NEGR1: variants seen among roughly 807,000 people sequenced by gnomAD.
NEGR1 encodes IgLON family member 4.
NEGR1 carries 10 observed loss-of-function variants against 40.9 expected under a neutral mutation model. The observed-to-expected ratio is 0.24, with a 90% CI of 0.15 to 0.42. The LOEUF is 0.42. NEGR1 is among the 10% of genes least tolerant of loss of function. The probability of loss-of-function intolerance (pLI) is 1.00; values close to 1 mark genes in which losing one functional copy is unlikely to be tolerated. For synonymous variants in NEGR1, 185 were observed against 166.8 expected, an observed-to-expected ratio of 1.11 and a Z score of -0.84; for missense variants, 352 against 438.9, an observed-to-expected ratio of 0.80 and a Z score of 1.77.
At chr1:72,253,275 G>T (rs1655165339) in intron 1 of NEGR1, among the ~76,000 whole-genome samples, 1 of 152,102 alleles carries the variant, frequency 6.6e-6, no homozygotes, top group Non-Finnish European at 1.5e-5. Context: ...AATAGTTGAA[G>T]AATTGAAAAG....
intron 1 of NEGR1, among the ~76,000 whole-genome samples, chr1:72,197,195 A>G (rs577472170): frequency 4.6e-5 from 7 of 152,140 alleles, no homozygotes; most frequent in African/African-American, 1.7e-4. Flanking sequence ...ATACAAATAA[A>G]TAAGTCCTAA....
intron 4 of NEGR1, among the ~76,000 whole-genome samples, chr1:71,644,825 T>TACTAG: frequency 6.6e-6 from 1 of 152,078 alleles, no homozygotes; most frequent in South Asian, 2.1e-4. Context: ...TTATTTCCAG[T>TACTAG]ACTAGAGAGA....
intron 2 of NEGR1, among the ~76,000 whole-genome samples, chr1:71,908,662 T>G (rs1056444170): frequency 5.9e-5 from 9 of 152,216 alleles, no homozygotes. Context: ...AGTCATTAAC[T>G]TCTGGTGGAT....
At chr1:72,085,863 G>A (rs539334682) in intron 1 of NEGR1, among the ~76,000 whole-genome samples, 4 of 151,378 alleles carry the variant, frequency 2.6e-5, no homozygotes, top group East Asian at 2.0e-4. Context: ...CCAGCTACTC[G>A]GGAGGCTGAG....
chr1:71,638,323 T>G (rs183689640), intron 4 of NEGR1, among the ~76,000 whole-genome samples: 46 of 152,190 alleles, frequency 3.0e-4, no homozygotes, highest in Admixed American at 2.2e-3. Context: ...AGTTTTGGAA[T>G]GTATTTAAAT....
intron 1 of NEGR1, among the ~76,000 whole-genome samples, chr1:72,139,395 T>A (rs534819881): frequency 5.9e-5 from 9 of 152,120 alleles, no homozygotes; most frequent in African/African-American, 2.2e-4. Flanking sequence ...GTTAAACTTT[T>A]AATCATACTG....
intron 6 of NEGR1, among the ~76,000 whole-genome samples, chr1:71,482,961 A>C (rs1187797325): frequency 6.6e-6 from 1 of 151,834 alleles, no homozygotes; most frequent in Non-Finnish European, 1.5e-5. Context: ...GAGATAAAGA[A>C]ATGAATTAAT....
chr1:72,130,717 C>T (rs1315647039), intron 1 of NEGR1, among the ~76,000 whole-genome samples: 1 of 152,168 alleles, frequency 6.6e-6, no homozygotes, highest in South Asian at 2.1e-4. Context: ...CCTGCTTATT[C>T]TAGCCATTCT....
chr1:71,476,651 A>T (rs1169367687), intron 6 of NEGR1, among the ~76,000 whole-genome samples: 1 of 152,084 alleles, frequency 6.6e-6, no homozygotes, highest in East Asian at 1.9e-4. Context: ...TGTCTACATG[A>T]TGGAGCCTCA....
At chr1:72,061,583 A>G (rs1647173587) in intron 1 of NEGR1, among the ~76,000 whole-genome samples, 1 of 151,846 alleles carries the variant, frequency 6.6e-6, no homozygotes, top group Non-Finnish European at 1.5e-5. Context: ...AGATTAATTG[A>G]ATGAAGACCA....
intron 3 of NEGR1, among the ~76,000 whole-genome samples, chr1:71,708,838 AGTGTTTG>A (rs1008785176): frequency 1.3e-5 from 2 of 152,168 alleles, no homozygotes; most frequent in African/African-American, 4.8e-5. Context: ...GAGAACATGC[AGTGTTTG>A]GTTTTCTGTT....
chr1:71,803,477 C>T (rs1395365562), intron 2 of NEGR1, among the ~76,000 whole-genome samples: 2 of 152,152 alleles, frequency 1.3e-5, no homozygotes, highest in Non-Finnish European at 2.9e-5. Flanking sequence ...TGACCTTCCT[C>T]TCTACATCCT....
In NEGR1 at chr1:71,964,907, T is replaced by C. The variant is rs1646197964; in HGVS notation, c.177-29596A>G. ...TTTCATGTTCAACTTGAGGAAACAC[T>C]GGGTACAGGTGGCACTGTTAGTTCT... On this transcript the variant is annotated intron_variant, in intron 1 of 6. Coordinates refer to ENST00000357731, the MANE Select transcript of NEGR1 (RefSeq NM_173808.3). 2.6e-5 allele frequency among the ~76,000 whole-genome samples: 4 copies of C among 152,070 alleles called. No individual in the cohort carries two copies. In the South Asian group the frequency reaches 8.3e-4, roughly 32 times the overall value.
intron 3 of NEGR1, among the ~76,000 whole-genome samples, chr1:71,700,690 G>C (rs1039042869): frequency 6.6e-6 from 1 of 151,864 alleles, no homozygotes; most frequent in African/African-American, 2.4e-5. Flanking sequence ...TAGTTCTTTA[G>C]GTCAGAAATC....
At chr1:72,196,682 T>C (rs759417900) in intron 1 of NEGR1, among the ~76,000 whole-genome samples, 17 of 109,414 alleles carry the variant, frequency 1.6e-4, no homozygotes, top group Non-Finnish European at 3.3e-4. Context: ...GATGATCACT[T>C]GAACCGGGGT....
At chr1:71,917,696 C>G (rs527939407) in intron 2 of NEGR1, among the ~76,000 whole-genome samples, 1 of 149,048 alleles carries the variant, frequency 6.7e-6, no homozygotes, top group Non-Finnish European at 1.5e-5. Context: ...AGGAGAATGG[C>G]GTGAACCCGG....
chr1:71,609,242 G>A (rs12740742), intron 5 of NEGR1, among the ~76,000 whole-genome samples: 14 of 151,876 alleles, frequency 9.2e-5, no homozygotes, highest in Non-Finnish European at 1.5e-4. Context: ...ATGGCCGGGC[G>A]CGGTGGCTCA....
intron 2 of NEGR1, among the ~76,000 whole-genome samples, chr1:71,784,357 T>A (rs1248856968): frequency 3.3e-5 from 5 of 151,890 alleles, no homozygotes; most frequent in Non-Finnish European, 7.4e-5. Flanking sequence ...TTTTTTTTTT[T>A]AAAGATCCTC....
At chr1:71,773,358 A>G (rs1379626995) in intron 3 of NEGR1, among the ~76,000 whole-genome samples, 2 of 152,194 alleles carry the variant, frequency 1.3e-5, no homozygotes, top group Non-Finnish European at 2.9e-5. Context: ...ATTTATTTTT[A>G]TAACTGCTTT....
Sources: allele counts gnomAD v4.1 joint callset (sites outside exome capture counted in the v4.1 genomes callset), GRCh38; gene constraint gnomAD v4.1.1; transcripts MANE v1.5; gene names NCBI Gene and HGNC (gene_info 2026-07-23, HGNC 2026-07-21).